SMO: variants seen among roughly 807,000 people sequenced by gnomAD.
The protein encoded by SMO is protein smoothened.
Under a neutral mutation model 81.6 loss-of-function variants are expected in SMO, and 40 were observed. The observed-to-expected ratio is 0.49, with a 90% CI of 0.38 to 0.64. SMO has a LOEUF of 0.64. Among genes scored for constraint, SMO ranks in the 30% least tolerant of loss-of-function variants. The pLI, the probability that SMO is intolerant of heterozygous loss-of-function variation, is 0.00. For synonymous variants in SMO, 434 were observed against 432.1 expected, an observed-to-expected ratio of 1.00 and a Z score of -0.05; for missense variants, 916 against 1,061.1, an observed-to-expected ratio of 0.86 and a Z score of 1.90.
chr7:129,209,702 T>A, intron 8 of SMO: 1 of 341,532 alleles, frequency 2.9e-6, no homozygotes, highest in Middle Eastern at 9.0e-4. Flanking sequence ...AGTTGCCCTC[T>A]AATTCTGTGT....
Position 129,208,684 on chromosome 7 carries a change from C to T in SMO, c.1265-75C>T. The T allele has an allele frequency of 1.1e-6, 1 of 889,988 alleles. No individual in the cohort carries two copies. The highest frequency in any genetic ancestry group is 1.9e-6 in the Non-Finnish European group (1 of 535,228). The allele number at this position is 889,988 out of a possible 1,614,324, so 55.1% of individuals were successfully genotyped here. ...CTTGGGACTCCAGAGCCTTAGGACC[C>T]TCCTCCCACTCACCCATCCTTCCCA... On this transcript the variant is annotated intron_variant, in intron 6 of 11. Transcript: ENST00000249373. The surrounding 1 kb of genome is among the most constrained non-coding windows in gnomAD (Gnocchi z 5.2).
chr7:129,207,526 G>T (rs1563150422), intron 6 of SMO, among the ~76,000 whole-genome samples: 1 of 152,024 alleles, frequency 6.6e-6, no homozygotes, highest in African/African-American at 2.4e-5. Flanking sequence ...CCTCTTTTTG[G>T]CATAGTGTCT....
intron 1 of SMO, among the ~76,000 whole-genome samples, chr7:129,201,400 G>C (rs1015957379): frequency 6.6e-6 from 1 of 152,116 alleles, no homozygotes; most frequent in South Asian, 2.1e-4. Flanking sequence ...ACTCCAGAGA[G>C]GTCCCCCCAT....
At position 129,208,915 on chromosome 7, in the gene SMO, G is replaced by T; in HGVS notation, c.1357+64G>T. 8.8e-7 allele frequency: 1 copy of T among 1,131,288 alleles called. No individual in the cohort carries two copies. Among genetic ancestry groups the T allele is most frequent in the South Asian group, 1.3e-5 (1 of 79,288 alleles). The allele number at this position is 1,131,288 out of a possible 1,614,324, so 70.1% of individuals were successfully genotyped here. A position where few individuals can be genotyped will look rare whatever the true frequency, so the allele number is the denominator to read the frequency against. On this transcript the variant is annotated intron_variant, in intron 7 of 11. Transcript: ENST00000249373. The surrounding 1 kb of genome is among the most constrained non-coding windows in gnomAD (Gnocchi z 5.2). The stretch of plus-strand genomic sequence containing the variant: ...CAGCCCAACACTGCACCCTCCTGGG[G>T]CTATGCGACCGGCAGGATGCAGTAA...
At position 129,212,504 on chromosome 7, in the gene SMO, C is replaced by T. The variant is rs2150657556; in HGVS notation, c.*53C>T. 2 of 1,507,630 alleles carry T rather than the reference C, an allele frequency of 1.3e-6. No homozygotes were observed. The highest frequency in any genetic ancestry group is 1.9e-5 in the Admixed American group (1 of 53,740). The allele number at this position is 1,507,630 out of a possible 1,614,324, so 93.4% of individuals were successfully genotyped here. A position where few individuals can be genotyped will look rare whatever the true frequency, so the allele number is the denominator to read the frequency against. ...AAGAGAGGAACCAATACCTTCAAGG[C>T]TCTTCTTCCTCACCGAGCATGCTTC... is the stretch of plus-strand genomic sequence containing the variant. On this transcript the variant is annotated 3_prime_UTR_variant, in exon 12 of 12. Transcript: ENST00000249373. This position sits in a 1 kb window ranked among gnomAD's most constrained non-coding sequence, Gnocchi z 5.0.
rs2150650595 is a variant in SMO at position 129,206,455 on chromosome 7, C to T, written c.1141-9C>T. The T allele has an allele frequency of 6.2e-7, 1 of 1,614,004 alleles. No individual in the cohort carries two copies. The highest frequency in any genetic ancestry group is 8.5e-7 in the Non-Finnish European group (1 of 1,179,880). ...AACCCACCTTCTGTCCCACCCCTTC[C>T]TGCTGCAGGTGGATGGGGACTCTGT... On this transcript the variant is annotated splice_polypyrimidine_tract_variant and intron_variant, in intron 5 of 11. Coordinates refer to ENST00000249373, the MANE Select transcript of SMO (RefSeq NM_005631.5). This position sits in a 1 kb window ranked among gnomAD's most constrained non-coding sequence, Gnocchi z 4.4.
In SMO at chr7:129,189,451, G is replaced by C. The variant is rs757650883; in HGVS notation, c.300G>C (p.Glu100Asp). The C allele has an allele frequency of 8.0e-5, 123 of 1,538,454 alleles. No individual in the cohort carries two copies. The highest frequency in any genetic ancestry group is 1.1e-4 in the Non-Finnish European group (122 of 1,146,808). Reference protein sequence around the residue: ...TLLAGDSDSQEEAHGKLVLWS... With the variant: ...TLLAGDSDSQDEAHGKLVLWS... ...TGGCCGGAGACTCGGACTCCCAGGAGGAAGCGCACGGCAAGCTCGTGCTCT... is the reference window on the plus strand; with the variant it reads ...TGGCCGGAGACTCGGACTCCCAGGACGAAGCGCACGGCAAGCTCGTGCTCT... The change falls in exon 1 of 12, where the codon GAG (glutamate) becomes GAC (aspartate). Residue 100 changes from glutamate (E) to aspartate (D), a missense_variant. Coordinates refer to ENST00000249373, the MANE Select transcript of SMO (RefSeq NM_005631.5). This position sits in a 1 kb window ranked among gnomAD's most constrained non-coding sequence, Gnocchi z 4.7.
rs1447893846 is a variant in SMO at position 129,205,599 on chromosome 7, C to T, written c.748-11C>T. 2 of 1,609,856 alleles carry T rather than the reference C, an allele frequency of 1.2e-6. No individual in the cohort carries two copies. Among genetic ancestry groups the T allele is most frequent in the East Asian group, 2.2e-5 (1 of 44,774 alleles). The stretch of plus-strand genomic sequence containing the variant: ...CCTAACCTCACAGAATGGCCCACTT[C>T]TCTCTTCTAGGCCACATTCGTGGCT... On this transcript the variant is annotated splice_polypyrimidine_tract_variant and intron_variant, in intron 3 of 11. Transcript: ENST00000249373.
Position 129,212,976 on chromosome 7 carries a change from T to TG in SMO, c.*529dup, listed in dbSNP as rs1480994886. On this transcript the variant is annotated 3_prime_UTR_variant, in exon 12 of 12. Coordinates refer to ENST00000249373, the MANE Select transcript of SMO (RefSeq NM_005631.5). The surrounding 1 kb of genome is among the most constrained non-coding windows in gnomAD (Gnocchi z 5.0). ...ACCGTATTCCTCTCCCAGGTGTTTG[T>TG]GGGGCTGGAAGGACCTGCTCCCACA... 1 of 264,666 alleles carries TG rather than the reference T, an allele frequency of 3.8e-6. No homozygotes were observed. The highest frequency in any genetic ancestry group is 5.3e-5 in the East Asian group (1 of 18,696). 16.4% of individuals were successfully genotyped at this position (264,666 alleles called of 1,614,324 possible).
intron 1 of SMO, among the ~76,000 whole-genome samples, chr7:129,197,823 T>G (rs908290653): frequency 6.6e-6 from 1 of 152,172 alleles, no homozygotes; most frequent in African/African-American, 2.4e-5. Flanking sequence ...TTTTCTAATA[T>G]TAAACCAGCC....
At position 129,206,467 on chromosome 7, in the gene SMO, G is replaced by T. The variant is rs1371471706; in HGVS notation, c.1144G>T (p.Asp382Tyr). 1 of 1,614,102 alleles carries T rather than the reference G, an allele frequency of 6.2e-7. No individual in the cohort carries two copies. The highest frequency in any genetic ancestry group is 8.5e-7 in the Non-Finnish European group (1 of 1,179,964). Reference protein sequence around the residue: ...TVAILAVAQVDGDSVSGICFV... With the variant: ...TVAILAVAQVYGDSVSGICFV... ...GTCCCACCCCTTCCTGCTGCAGGTG[G>T]ATGGGGACTCTGTGAGTGGGATTTG... Residue 382 changes from aspartate to tyrosine, a missense_variant, in exon 6 of 12, where the codon GAT becomes TAT. By Grantham distance (160) the Asp-to-Tyr change is radical. Coordinates refer to ENST00000249373, the MANE Select transcript of SMO (RefSeq NM_005631.5). This position sits in a 1 kb window ranked among gnomAD's most constrained non-coding sequence, Gnocchi z 4.4.
chr7:129,207,414 G>A (rs1267177159), intron 6 of SMO, among the ~76,000 whole-genome samples: 2 of 151,848 alleles, frequency 1.3e-5, no homozygotes, highest in Non-Finnish European at 1.5e-5. Flanking sequence ...CCATCCCATA[G>A]TAAGCCTCAG....
In SMO at chr7:129,208,523, C is replaced by G. The variant is rs1793811135; in HGVS notation, c.1265-236C>G. On this transcript the variant is annotated intron_variant, in intron 6 of 11. Transcript: ENST00000249373. The surrounding 1 kb of genome is among the most constrained non-coding windows in gnomAD (Gnocchi z 5.2). ...CCATCAGAACAGCTTTGATCTGCCC[C>G]CTTCTTCAGGGGCAGCTGGGCCACG... Among the ~76,000 whole-genome samples, 1 of 152,098 alleles carries G rather than the reference C, an allele frequency of 6.6e-6. No homozygotes were observed. Among genetic ancestry groups the G allele is most frequent in the Non-Finnish European group, 1.5e-5 (1 of 68,002 alleles).
intron 1 of SMO, among the ~76,000 whole-genome samples, chr7:129,199,685 C>T (rs1440984549): frequency 2.0e-5 from 3 of 151,778 alleles, no homozygotes; most frequent in Non-Finnish European, 4.4e-5. Context: ...TGCAGTGAGC[C>T]GTGATTATGC....
Position 129,212,880 on chromosome 7 carries a change from C to T in SMO, c.*429C>T. ...CTGCCGTTTTCTGGGCTGATGGGTGCCCTTTCCTGGCAGTCTCAGTCCAAA... is the reference window on the plus strand; with the variant it reads ...CTGCCGTTTTCTGGGCTGATGGGTGTCCTTTCCTGGCAGTCTCAGTCCAAA... On this transcript the variant is annotated 3_prime_UTR_variant, in exon 12 of 12. Transcript: ENST00000249373. The surrounding 1 kb of genome is among the most constrained non-coding windows in gnomAD (Gnocchi z 5.0). 3.5e-6 allele frequency: 1 copy of T among 284,936 alleles called. No individual in the cohort carries two copies. Among genetic ancestry groups the T allele is most frequent in the East Asian group, 5.2e-5 (1 of 19,064 alleles). The allele number at this position is 284,936 out of a possible 1,614,324, so 17.7% of individuals were successfully genotyped here.
chr7:129,189,506 G>T lies in SMO; in HGVS notation c.331+24G>T, dbSNP rs757056583. ...GGGTAAGTGCGGCGGAGCCGGGTCT[G>T]GGGGGCGGGAGGTGCCGCGGTAAGA... On this transcript the variant is annotated intron_variant, in intron 1 of 11. Transcript: ENST00000249373. This position sits in a 1 kb window ranked among gnomAD's most constrained non-coding sequence, Gnocchi z 4.7. 3.3e-6 allele frequency: 5 copies of T among 1,534,276 alleles called. No homozygotes were observed. Among genetic ancestry groups the T allele is most frequent in the East Asian group, 2.4e-5 (1 of 40,846 alleles).
At position 129,206,380 on chromosome 7, in the gene SMO, T is replaced by C; in HGVS notation, c.1140+11T>C. 1.2e-6 allele frequency: 2 copies of C among 1,614,114 alleles called. No homozygotes were observed. Among genetic ancestry groups the C allele is most frequent in the African/African-American group, 2.7e-5 (2 of 75,056 alleles). ...CTTGCTGTGGCGCAGGTATAGTGAC[T>C]GGTAGGAACGGGAGACCTGGATGGG... is the stretch of plus-strand genomic sequence containing the variant. On this transcript the variant is annotated intron_variant, in intron 5 of 11. Transcript: ENST00000249373. The surrounding 1 kb of genome is among the most constrained non-coding windows in gnomAD (Gnocchi z 4.4).
rs200995862 is a variant in SMO, at chr7:129,211,135, C to T, written c.1801+22C>T. On this transcript the variant is annotated intron_variant, in intron 10 of 11. Coordinates refer to ENST00000249373, the MANE Select transcript of SMO (RefSeq NM_005631.5). This position sits in a 1 kb window ranked among gnomAD's most constrained non-coding sequence, Gnocchi z 4.6. The stretch of plus-strand genomic sequence containing the variant: ...GTGGGTGAGCCTCACCCCTCCTCTA[C>T]CGGAGCCGCCTGGCCCCGCGCTGCC... The T allele has an allele frequency of 1.3e-4, 209 of 1,589,300 alleles. No individual in the cohort carries two copies. The highest frequency in any genetic ancestry group is 6.0e-6 in the Non-Finnish European group (7 of 1,167,176).
At chr7:129,195,979 T>C (rs948492105) in intron 1 of SMO, among the ~76,000 whole-genome samples, 1 of 151,398 alleles carries the variant, frequency 6.6e-6, no homozygotes, top group Admixed American at 6.6e-5. Context: ...TGGGCGCCTG[T>C]AGTCCCAGCT....
Sources: allele counts gnomAD v4.1 joint callset (sites outside exome capture counted in the v4.1 genomes callset), GRCh38; gene constraint gnomAD v4.1.1; non-coding constraint Gnocchi (gnomAD v3.1); transcripts MANE v1.5; gene names NCBI Gene and HGNC (gene_info 2026-07-23, HGNC 2026-07-21).